PTPN12: variants seen among roughly 807,000 people sequenced by gnomAD.
The protein encoded by PTPN12 is protein tyrosine phosphatase non-receptor type 12.
In PTPN12, 29 loss-of-function variants were observed where a neutral mutation model predicts 97.6. That is an observed-to-expected ratio of 0.30 (90% CI 0.22 to 0.41). PTPN12 has a LOEUF of 0.41. Among genes scored for constraint, PTPN12 ranks in the 10% least tolerant of loss-of-function variants. The pLI is 1.00. For synonymous variants in PTPN12, 327 were observed against 300.4 expected, an observed-to-expected ratio of 1.09 and a Z score of -0.91; for missense variants, 819 against 926.0, an observed-to-expected ratio of 0.88 and a Z score of 1.50.
At chr7:77,614,254 T>C (rs1218083964) in intron 11 of PTPN12, among the ~76,000 whole-genome samples, 1 of 152,202 alleles carries the variant, frequency 6.6e-6, no homozygotes, top group African/African-American at 2.4e-5. Context: ...AAATACCGCA[T>C]CACCTTTTCA....
At chr7:77,631,636 A>C (rs1322426832) in intron 13 of PTPN12, among the ~76,000 whole-genome samples, 2 of 152,130 alleles carry the variant, frequency 1.3e-5, no homozygotes, top group African/African-American at 2.4e-5. Context: ...TACTTAATGC[A>C]CTCTCTTTCC....
At chr7:77,537,962 C>T in intron 1 of PTPN12, 1 of 819,100 alleles carries the variant, frequency 1.2e-6, no homozygotes, top group Non-Finnish European at 1.5e-6. Flanking sequence ...GAGCCGTAGG[C>T]AAGTGAGGTG....
chr7:77,623,080 C>T (rs1469552284), intron 12 of PTPN12, among the ~76,000 whole-genome samples: 1 of 150,136 alleles, frequency 6.7e-6, no homozygotes, highest in Admixed American at 6.6e-5. Context: ...AGCGTATACA[C>T]CAAGCTTGAT....
chr7:77,637,287 GGGA>G (rs1289899147), intron 16 of PTPN12, among the ~76,000 whole-genome samples: 1 of 152,064 alleles, frequency 6.6e-6, no homozygotes, highest in Non-Finnish European at 1.5e-5. Context: ...ACAGGCTAAT[GGGA>G]AAGAGATTTT....
At chr7:77,572,897 A>G (rs1787193926) in intron 2 of PTPN12, among the ~76,000 whole-genome samples, 1 of 152,064 alleles carries the variant, frequency 6.6e-6, no homozygotes. Flanking sequence ...AGCCTGACCA[A>G]CATGGTGAAA....
chr7:77,546,678 C>T (rs1807233775), intron 1 of PTPN12, among the ~76,000 whole-genome samples: 1 of 152,140 alleles, frequency 6.6e-6, no homozygotes, highest in Non-Finnish European at 1.5e-5. Context: ...TTTCACACTG[C>T]TATGAAGAAC....
intron 1 of PTPN12, among the ~76,000 whole-genome samples, chr7:77,545,459 G>A (rs1807170144): frequency 1.3e-5 from 2 of 151,938 alleles, no homozygotes; most frequent in Admixed American, 6.6e-5. Context: ...ACAATTATTG[G>A]AAATTTTAAA....
At chr7:77,571,749 G>T (rs377128046) in intron 2 of PTPN12, among the ~76,000 whole-genome samples, 3 of 151,704 alleles carry the variant, frequency 2.0e-5, no homozygotes, top group East Asian at 3.9e-4. Context: ...AGAGGTGGGG[G>T]TTCTCACTGT....
Position 77,605,409 on chromosome 7 carries a change from G to GTT in PTPN12, c.696-1799_696-1798dup, listed in dbSNP as rs751962814. The stretch of plus-strand genomic sequence containing the variant: ...TTACTTTAAAATACTTTTGTCATGA[G>GTT]TTTTTTTTTTTTTTTTTTTTTTTTT... On this transcript the variant is annotated intron_variant, in intron 8 of 17. Coordinates refer to ENST00000248594, the MANE Select transcript of PTPN12 (RefSeq NM_002835.4). Among the ~76,000 whole-genome samples, 266 of 95,536 alleles carry GTT rather than the reference G, an allele frequency of 2.8e-3. 22 individuals carry two copies. The highest frequency in any genetic ancestry group is 3.5e-3 in the Non-Finnish European group (174 of 50,188). 62.7% of individuals were successfully genotyped at this position (95,536 alleles called of 152,430 possible). A position where few individuals can be genotyped will look rare whatever the true frequency, so the allele number is the denominator to read the frequency against.
Position 77,541,556 on chromosome 7 carries a change from C to T in PTPN12, c.99+3911C>T, listed in dbSNP as rs141770620. Among the ~76,000 whole-genome samples the T allele has an allele frequency of 6.3e-3, 963 of 152,214 alleles. 14 individuals carry two copies. The highest frequency in any genetic ancestry group is 0.021 in the African/African-American group (879 of 41,534). ...TAGCTTCCCAGGAGTACTAGGTAGACGTATATAAACATTTAATACATGTTC... is the reference window on the plus strand; with the variant it reads ...TAGCTTCCCAGGAGTACTAGGTAGATGTATATAAACATTTAATACATGTTC... On this transcript the variant is annotated intron_variant, in intron 1 of 17. Coordinates refer to ENST00000248594, the MANE Select transcript of PTPN12 (RefSeq NM_002835.4).
At chr7:77,636,991 A>G in intron 15 of PTPN12, 27 bp from the exon 16 acceptor site, 1 of 1,566,558 alleles carries the variant, frequency 6.4e-7, no homozygotes, top group Non-Finnish European at 8.8e-7. Context: ...AATGTATTGT[A>G]ATAGGTATTA....
intron 11 of PTPN12, among the ~76,000 whole-genome samples, chr7:77,615,487 C>T (rs1452834411): frequency 6.6e-6 from 1 of 152,194 alleles, no homozygotes; most frequent in African/African-American, 2.4e-5. Flanking sequence ...CATTTCATGC[C>T]TATAATCCCA....
intron 11 of PTPN12, 92 bp downstream of exon 11, chr7:77,611,138 T>G (rs1788555933): frequency 3.1e-6 from 3 of 964,032 alleles, no homozygotes; most frequent in Non-Finnish European, 4.8e-6. Context: ...GTGTTTTGTC[T>G]AACATGAGAA....
chr7:77,638,479 T>C (rs1789684160), intron 16 of PTPN12, 145 bp from the exon 17 acceptor site: 2 of 1,228,184 alleles, frequency 1.6e-6, no homozygotes, highest in Non-Finnish European at 2.1e-6. Context: ...CTTGTATTTA[T>C]ATTGTTCTTG....
chr7:77,545,272 T>G (rs1269234881), intron 1 of PTPN12, among the ~76,000 whole-genome samples: 1 of 152,206 alleles, frequency 6.6e-6, no homozygotes, highest in Admixed American at 6.5e-5. Flanking sequence ...TCTAGTTTCT[T>G]TCCTCATCCA....
intron 1 of PTPN12, among the ~76,000 whole-genome samples, chr7:77,549,199 G>A (rs192169529): frequency 2.2e-3 from 342 of 152,278 alleles, no homozygotes; most frequent in Middle Eastern, 0.01. Flanking sequence ...GAGAAAGGAA[G>A]GGATGGCTTG....
intron 11 of PTPN12, among the ~76,000 whole-genome samples, chr7:77,617,305 G>A (rs147173450): frequency 3.7e-4 from 56 of 152,274 alleles, no homozygotes; most frequent in Middle Eastern, 3.4e-3. Context: ...TGCACCAAAT[G>A]CCTCGATTTT....
chr7:77,630,006 G>A (rs773440232), intron 13 of PTPN12, among the ~76,000 whole-genome samples: 3 of 149,532 alleles, frequency 2.0e-5, no homozygotes, highest in Non-Finnish European at 3.0e-5. Context: ...GCTCATTTCT[G>A]TTTGTTTGGT....
At chr7:77,575,402 G>C (rs1172536998) in intron 2 of PTPN12, among the ~76,000 whole-genome samples, 1 of 152,092 alleles carries the variant, frequency 6.6e-6, no homozygotes, top group Admixed American at 6.5e-5. Context: ...CAGCTACTCA[G>C]TAGGCTGATG....
Sources: allele counts gnomAD v4.1 joint callset (sites outside exome capture counted in the v4.1 genomes callset), GRCh38; gene constraint gnomAD v4.1.1; transcripts MANE v1.5; gene names NCBI Gene and HGNC (gene_info 2026-07-23, HGNC 2026-07-21).